DCC: variants seen among roughly 807,000 people sequenced by gnomAD.
DCC encodes the protein DCC netrin 1 receptor, also known as netrin receptor DCC.
A neutral mutation model predicts 172.5 loss-of-function variants in DCC; 58 were observed. The observed-to-expected ratio is 0.34, with a 90% CI of 0.27 to 0.42. The LOEUF is 0.42. Among genes scored for constraint, DCC ranks in the 10% least tolerant of loss-of-function variants. DCC has a pLI of 1.00. For synonymous variants in DCC, 709 were observed against 644.5 expected (o/e 1.10, Z -1.52); for missense variants, 1,740 against 1,791.0 (o/e 0.97, Z 0.51).
At chr18:52,787,070 AATT>A (rs1810728467) in intron 2 of DCC, among the ~76,000 whole-genome samples, 1 of 152,196 alleles carries the variant, frequency 6.6e-6, no homozygotes. Flanking sequence ...TACCTTACTC[AATT>A]ATTAAAAGCT....
intron 1 of DCC, among the ~76,000 whole-genome samples, chr18:52,492,468 C>T: frequency 6.6e-6 from 1 of 151,692 alleles, no homozygotes; most frequent in East Asian, 1.9e-4. Flanking sequence ...TAAATAGAAG[C>T]AGGGGTGGTT....
intron 2 of DCC, among the ~76,000 whole-genome samples, chr18:52,835,933 A>T (rs1460354419): frequency 1.3e-5 from 2 of 152,228 alleles, no homozygotes; most frequent in Non-Finnish European, 2.9e-5. Flanking sequence ...CTGCTATGGA[A>T]AAATATCCGA....
intron 2 of DCC, among the ~76,000 whole-genome samples, chr18:52,768,386 G>C (rs960150195): frequency 2.0e-5 from 3 of 152,160 alleles, no homozygotes; most frequent in African/African-American, 7.2e-5. Flanking sequence ...ATCGCCAATG[G>C]GGGAAGAATC....
intron 25 of DCC, among the ~76,000 whole-genome samples, chr18:53,477,410 G>C (rs1034692406): frequency 1.2e-4 from 18 of 152,124 alleles, no homozygotes; most frequent in African/African-American, 4.3e-4. Flanking sequence ...CTGTATCTTG[G>C]CAGAGTTATG....
chr18:52,729,995 G>C (rs1341449455), intron 1 of DCC, among the ~76,000 whole-genome samples: 1 of 152,138 alleles, frequency 6.6e-6, no homozygotes, highest in East Asian at 1.9e-4. Flanking sequence ...TAAATGTCTT[G>C]AAGCACTGAC....
chr18:52,536,166 TG>T (rs1316518054), intron 1 of DCC, among the ~76,000 whole-genome samples: 1 of 151,776 alleles, frequency 6.6e-6, no homozygotes, highest in Admixed American at 6.6e-5. Context: ...CAGTGATATG[TG>T]GGGGGAAGGA....
intron 2 of DCC, among the ~76,000 whole-genome samples, chr18:52,794,304 G>A (rs540498900): frequency 4.8e-4 from 73 of 152,000 alleles, no homozygotes; most frequent in Non-Finnish European, 9.0e-4. Context: ...CATGTGATGT[G>A]TTTACGTTTG....
intron 7 of DCC, among the ~76,000 whole-genome samples, chr18:53,077,205 G>GTA (rs35919474): frequency 0.013 from 1,958 of 148,822 alleles, 11 homozygotes; most frequent in Admixed American, 0.027. Flanking sequence ...TTGTTCACAT[G>GTA]TATATATATA....
chr18:52,951,834 T>A (rs551358113), intron 5 of DCC, among the ~76,000 whole-genome samples: 9 of 152,210 alleles, frequency 5.9e-5, no homozygotes, highest in Non-Finnish European at 1.2e-4. Context: ...CATTACAATT[T>A]GTGTTATTAT....
rs142101288 is a variant in DCC at position 53,048,918 on chromosome 18, A to G, written c.986-14387A>G. Among the ~76,000 whole-genome samples the G allele has an allele frequency of 5.4e-3, 822 of 151,978 alleles. 10 individuals are homozygous for G. Among genetic ancestry groups the G allele is most frequent in the African/African-American group, 0.018 (762 of 41,482 alleles). ...GTATCTCATTGCGGTTTTGATTTGC[A>G]TTTCTCTAATGATTAGTGATATTGA... On this transcript the variant is annotated intron_variant, in intron 5 of 28. Coordinates refer to ENST00000442544, the MANE Select transcript of DCC (RefSeq NM_005215.4).
intron 9 of DCC, among the ~76,000 whole-genome samples, chr18:53,202,049 C>G (rs974481351): frequency 1.3e-5 from 2 of 152,088 alleles, no homozygotes; most frequent in African/African-American, 4.8e-5. Flanking sequence ...CGTATGTATG[C>G]ATGCACACAT....
chr18:52,830,444 A>G (rs2038592980), intron 2 of DCC, among the ~76,000 whole-genome samples: 1 of 152,142 alleles, frequency 6.6e-6, no homozygotes, highest in South Asian at 2.1e-4. Context: ...GAGTGAGGAA[A>G]TGGATGTCTT....
rs118010208 is a variant in DCC at position 53,247,658 on chromosome 18, A to G, written c.1911+32061A>G. Among the ~76,000 whole-genome samples, 1,302 of 152,134 alleles carry G rather than the reference A, an allele frequency of 8.6e-3. 10 individuals carry two copies. The highest frequency in any genetic ancestry group is 0.017 in the Middle Eastern group (5 of 294). On this transcript the variant is annotated intron_variant, in intron 12 of 28. Transcript: ENST00000442544. ...TATTAAACGTATTAAATACATTTTT[A>G]TAGATGTTAATTTTTAAAATTCTTA...
At chr18:53,111,262 G>T (rs1010548514) in intron 7 of DCC, among the ~76,000 whole-genome samples, 1 of 97,076 alleles carries the variant, frequency 1.0e-5, no homozygotes, top group Non-Finnish European at 1.9e-5. Context: ...GGTGGGGGGA[G>T]GGGGGAGGGA....
intron 1 of DCC, among the ~76,000 whole-genome samples, chr18:52,360,964 A>T (rs77581656): frequency 3.3e-5 from 5 of 152,186 alleles, no homozygotes; most frequent in Admixed American, 1.3e-4. Context: ...TTAATCCTCA[A>T]ACTTACAGTT....
intron 1 of DCC, among the ~76,000 whole-genome samples, chr18:52,451,092 G>A (rs547218161): frequency 5.9e-5 from 9 of 152,318 alleles, no homozygotes; most frequent in African/African-American, 2.2e-4. Context: ...CTGTGGGCAT[G>A]TTGTGAGGCA....
intron 1 of DCC, among the ~76,000 whole-genome samples, chr18:52,576,655 C>T (rs2033416805): frequency 6.6e-6 from 1 of 151,856 alleles, no homozygotes; most frequent in Non-Finnish European, 1.5e-5. Flanking sequence ...TAGTGAAACC[C>T]CATCTTTACG....
chr18:53,047,278 ATATAT>A (rs2042256793), intron 5 of DCC, among the ~76,000 whole-genome samples: 1 of 17,970 alleles, frequency 5.6e-5, no homozygotes, highest in African/African-American at 4.2e-4. Context: ...ATATATATAT[ATATAT>A]ATATAATTTT....
At chr18:52,744,636 A>T (rs993235630) in intron 1 of DCC, among the ~76,000 whole-genome samples, 1 of 152,174 alleles carries the variant, frequency 6.6e-6, no homozygotes. Flanking sequence ...CTTCACAGAA[A>T]CCCCAATAGT....
Sources: allele counts gnomAD v4.1 joint callset (sites outside exome capture counted in the v4.1 genomes callset), GRCh38; gene constraint gnomAD v4.1.1; transcripts MANE v1.5; gene names NCBI Gene and HGNC (gene_info 2026-07-23, HGNC 2026-07-21).